The following DGKH variants were observed in gnomAD, a reference collection of about 807,000 sequenced individuals.
DGKH encodes DAG kinase eta.
In DGKH, 90 loss-of-function variants were observed where a neutral mutation model predicts 159.3. The ratio of observed to expected loss-of-function variants is 0.57; its 90% CI spans 0.48 to 0.67. The LOEUF (loss-of-function observed/expected upper bound fraction) is 0.67, where lower values mean the gene tolerates loss of function less well. Among genes scored for constraint, DGKH ranks in the 30% least tolerant of loss-of-function variants. The probability of loss-of-function intolerance (pLI) is 0.00; values close to 1 mark genes in which losing one functional copy is unlikely to be tolerated. For missense variants in DGKH, 1,181 were observed against 1,506.1 expected (o/e 0.78, Z 3.57); for synonymous variants, 536 against 553.8 (o/e 0.97, Z 0.45).
intron 3 of DGKH, among the ~76,000 whole-genome samples, chr13:42,132,533 T>C (rs1955309491): frequency 1.3e-5 from 2 of 152,214 alleles, no homozygotes; most frequent in African/African-American, 4.8e-5. Flanking sequence ...TTCTTGGCCC[T>C]TCAGCTGGGC....
chr13:42,060,545 A>G (rs1882080649), intron 1 of DGKH, among the ~76,000 whole-genome samples: 2 of 152,202 alleles, frequency 1.3e-5, no homozygotes, highest in Non-Finnish European at 2.9e-5. Flanking sequence ...GTCCTGTAGA[A>G]TAAATTGCCT....
At chr13:42,160,751 C>A (rs894645559) in intron 7 of DGKH, among the ~76,000 whole-genome samples, 1 of 152,188 alleles carries the variant, frequency 6.6e-6, no homozygotes, top group African/African-American at 2.4e-5. Context: ...TAGTGATTGC[C>A]TTGCACTGGG....
At position 42,070,920 on chromosome 13, in the gene DGKH, ACT is replaced by A. The variant is rs1235494384; in HGVS notation, c.192+21958_192+21959del. 3.1e-6 allele frequency: 4 copies of A among 1,272,992 alleles called. No homozygotes were observed. The East Asian group carries it at 6.9e-5, about 22-fold the overall frequency. 78.9% of individuals were successfully genotyped at this position (1,272,992 alleles called of 1,614,324 possible). On this transcript the variant is annotated intron_variant, in intron 1 of 29. Transcript: ENST00000337343. ...TGATTTCACATAGAGCATGTTTGAC[ACT>A]CTGGGGATTGGTAAGGACAATTTTC...
In DGKH at chr13:42,155,662, T is replaced by A. The variant is rs1566138974; in HGVS notation, c.490-5T>A. The A allele has an allele frequency of 6.2e-7, 1 of 1,614,218 alleles. No homozygotes were observed. Among genetic ancestry groups the A allele is most frequent in the Admixed American group, 1.7e-5 (1 of 60,032 alleles). The stretch of plus-strand genomic sequence containing the variant: ...GGCAAATCTGTCCTCACATCTCATT[T>A]CTAGGTGGCCCAGTTTAATGTGGAA... On this transcript the variant is annotated splice_polypyrimidine_tract_variant and splice_region_variant and intron_variant, in intron 4 of 29. Transcript: ENST00000337343.
At chr13:42,047,141 C>A (rs1429279704), upstream of DGKH, among the ~76,000 whole-genome samples, 1 of 152,142 alleles carries the variant, frequency 6.6e-6, no homozygotes, top group Non-Finnish European at 1.5e-5. Context: ...CAGAAATAGC[C>A]TCTCTGTTAT....
At chr13:42,052,715 C>A (rs1036054848) in intron 1 of DGKH, among the ~76,000 whole-genome samples, 1 of 152,192 alleles carries the variant, frequency 6.6e-6, no homozygotes, top group Non-Finnish European at 1.5e-5. Flanking sequence ...TTTTTGTTGG[C>A]CCATGAATAC....
At chr13:42,049,619 T>A (rs1881116747) in intron 1 of DGKH, among the ~76,000 whole-genome samples, 1 of 152,154 alleles carries the variant, frequency 6.6e-6, no homozygotes, top group East Asian at 1.9e-4. Context: ...CCTGCATGGC[T>A]CCAAGGGCTG....
rs757076960 is a variant in DGKH at position 42,194,951 on chromosome 13, C to T, written c.2102C>T (p.Pro701Leu). The T allele has an allele frequency of 6.2e-7, 1 of 1,614,060 alleles. No individual in the cohort carries two copies. The highest frequency in any genetic ancestry group is 8.5e-7 in the Non-Finnish European group (1 of 1,179,958). The change falls in exon 17 of 30, where the codon CCT becomes CTT. Residue 701 changes from proline to leucine, a missense_variant. Physicochemically the swap from Pro to Leu is moderately conservative, Grantham distance 98. Around this residue, in one of 5 missense-constraint regions of DGKH, gnomAD observed 257 missense variants for 281.5 expected, o/e 0.91. Transcript: ENST00000337343. ...SYGHSQTDSV[P>L]GPAVAASKEN... ...GGCCATTCCCAAACTGATTCTGTCC[C>T]TGGTCCAGCTGTGGCAGCCAGCAAA...
chr13:42,053,556 GTATA>G (rs994130425), intron 1 of DGKH, among the ~76,000 whole-genome samples: 1 of 111,704 alleles, frequency 9.0e-6, no homozygotes, highest in Admixed American at 8.2e-5. Flanking sequence ...AACTATATAT[GTATA>G]TATATAACTA....
intron 1 of DGKH, among the ~76,000 whole-genome samples, chr13:42,075,513 T>C (rs1954077223): frequency 6.6e-6 from 1 of 152,234 alleles, no homozygotes; most frequent in Admixed American, 6.5e-5. Context: ...AATAACTTTT[T>C]CTTTCCTTAA....
intron 16 of DGKH, among the ~76,000 whole-genome samples, chr13:42,193,728 T>C (rs1957140369): frequency 1.3e-5 from 2 of 152,168 alleles, no homozygotes; most frequent in African/African-American, 4.8e-5. Flanking sequence ...AAAAAAGGGG[T>C]GGCTGTTCTG....
chr13:42,177,638 A>G (rs1161868435), intron 12 of DGKH, among the ~76,000 whole-genome samples: 4 of 152,186 alleles, frequency 2.6e-5, no homozygotes, highest in Admixed American at 6.5e-5. Flanking sequence ...CTGTAGCTCC[A>G]TAGCCTTGCT....
In DGKH at chr13:42,088,492, G is replaced by A. The variant is rs1278618684; in HGVS notation, c.193-38971G>A. Among the ~76,000 whole-genome samples the A allele has an allele frequency of 3.3e-5, 5 of 152,114 alleles. No individual in the cohort carries two copies. The South Asian group carries it at 1.0e-3, about 31-fold the overall frequency. ...GTAGAACAAAGGAGGGGAGTTTGAG[G>A]AAATGGATGTTTACCATTGTAAGAG... On this transcript the variant is annotated intron_variant, in intron 1 of 29. Transcript: ENST00000337343.
intron 3 of DGKH, among the ~76,000 whole-genome samples, chr13:42,139,743 A>G (rs1955493212): frequency 6.6e-6 from 1 of 152,236 alleles, no homozygotes; most frequent in Admixed American, 6.5e-5. Flanking sequence ...CATTTGTGCT[A>G]GATTTTGGAT....
rs1246780806 is a variant in DGKH at position 42,178,216 on chromosome 13, G to A, written c.1534G>A (p.Ala512Thr). ...SDEHAVVISS[A>T]KTLCETVKDF... ...TGAACATGCAGTGGTCATATCTTCT[G>A]CCAAGTGAGTTGTGGGTTTTAAGTC... The change falls in exon 13 of 30, where the codon GCC (alanine) becomes ACC (threonine). Residue 512 changes from alanine (A) to threonine (T), a missense_variant. Ala to Thr is a moderately conservative substitution (Grantham distance 58, BLOSUM62 0). Around this residue, in one of 5 missense-constraint regions of DGKH, gnomAD observed 369 missense variants for 519.4 expected, o/e 0.71. Coordinates refer to ENST00000337343, the MANE Select transcript of DGKH (RefSeq NM_178009.5). 1.9e-6 allele frequency: 3 copies of A among 1,590,144 alleles called. No individual in the cohort carries two copies. The highest frequency in any genetic ancestry group is 2.6e-6 in the Non-Finnish European group (3 of 1,164,454).
intron 30 of DGKH, chr13:42,256,147 G>A: frequency 1.2e-5 from 14 of 1,181,578 alleles, no homozygotes; most frequent in Non-Finnish European, 1.8e-5. Flanking sequence ...CAATGACCAT[G>A]GTTGTAGCCC....
chr13:42,068,523 CA>C (rs1275846687), intron 1 of DGKH, among the ~76,000 whole-genome samples: 1 of 152,194 alleles, frequency 6.6e-6, no homozygotes, highest in South Asian at 2.1e-4. Flanking sequence ...GAAATGTGTA[CA>C]GTATGAAAAA....
intron 1 of DGKH, among the ~76,000 whole-genome samples, chr13:42,108,041 G>C (rs1003030801): frequency 5.3e-5 from 8 of 152,156 alleles, no homozygotes; most frequent in African/African-American, 1.9e-4. Flanking sequence ...GTCCTTAAAA[G>C]AAGAGTCATT....
intron 29 of DGKH, among the ~76,000 whole-genome samples, chr13:42,248,708 C>T (rs563505434): frequency 1.3e-5 from 2 of 149,592 alleles, no homozygotes; most frequent in South Asian, 4.2e-4. Flanking sequence ...CTTTACCGTA[C>T]CTTTTCTCTG....
Sources: gnomAD v4.1 joint callset for allele counts (sites outside exome capture counted in the v4.1 genomes callset) on GRCh38, gnomAD v4.1.1 for gene constraint, gnomAD v4.1.1 regional missense constraint, MANE v1.5 for transcripts, NCBI Gene and HGNC (gene_info 2026-07-23, HGNC 2026-07-21) for gene names.